Variants in AKAP13 observed in about 807,000 individuals in gnomAD.
The protein encoded by AKAP13 is A-kinase anchoring protein 13.
Under a neutral mutation model 264.5 loss-of-function variants are expected in AKAP13, and 80 were observed. The ratio of observed to expected loss-of-function variants is 0.30; its 90% CI spans 0.25 to 0.36. The LOEUF (loss-of-function observed/expected upper bound fraction) is 0.36. Among genes scored for constraint, AKAP13 ranks in the 10% least tolerant of loss-of-function variants. The pLI is 1.00. For missense variants in AKAP13, 3,712 were observed against 3,435.2 expected, an observed-to-expected ratio of 1.08 and a Z score of -2.01; for synonymous variants, 1,380 against 1,250.2, an observed-to-expected ratio of 1.10 and a Z score of -2.19.
At chr15:85,685,446 A>T (rs1226602175) in intron 16 of AKAP13, 2 of 150,952 alleles carry the variant, frequency 1.3e-5, no homozygotes, top group African/African-American at 4.9e-5. Flanking sequence ...TAAGAGATTA[A>T]ATAAATGTTT....
chr15:85,586,202 T>C (rs1459988509), intron 8 of AKAP13, among the ~76,000 whole-genome samples: 1 of 151,986 alleles, frequency 6.6e-6, no homozygotes, highest in Non-Finnish European at 1.5e-5. Context: ...TTTCTTTTTT[T>C]TTTTTGAGAT....
chr15:85,695,876 A>G (rs964299238), intron 17 of AKAP13, among the ~76,000 whole-genome samples: 1 of 151,984 alleles, frequency 6.6e-6, no homozygotes, highest in Non-Finnish European at 1.5e-5. Flanking sequence ...TTCTAATAGG[A>G]CTCTTCTGGG....
At chr15:85,577,952 G>A (rs544323615) in intron 6 of AKAP13, 2 of 437,884 alleles carry the variant, frequency 4.6e-6, no homozygotes, top group South Asian at 2.0e-4. Context: ...GTATATATGA[G>A]GCAGGGTGTA....
chr15:85,407,166 T>G (rs2071707227), intron 1 of AKAP13, among the ~76,000 whole-genome samples: 1 of 151,442 alleles, frequency 6.6e-6, no homozygotes, highest in African/African-American at 2.4e-5. Context: ...AGTACCAACT[T>G]TGTGGTATAC....
chr15:85,709,420 C>G (rs921847873), intron 18 of AKAP13, among the ~76,000 whole-genome samples: 5 of 152,132 alleles, frequency 3.3e-5, no homozygotes, highest in Non-Finnish European at 7.4e-5. Flanking sequence ...GGAGGGATGG[C>G]TGGAGCTGAG....
At chr15:85,585,225 G>T (rs1244400349) in intron 7 of AKAP13, among the ~76,000 whole-genome samples, 2 of 152,150 alleles carry the variant, frequency 1.3e-5, no homozygotes, top group Non-Finnish European at 2.9e-5. Context: ...AGAGTGTGTT[G>T]TATGTTAGTG....
At chr15:85,462,730 A>C (rs958014684) in intron 1 of AKAP13, among the ~76,000 whole-genome samples, 3 of 152,220 alleles carry the variant, frequency 2.0e-5, no homozygotes, top group African/African-American at 7.2e-5. Flanking sequence ...AATTTATTTG[A>C]AATAAAAATT....
Position 85,717,419 on chromosome 15 carries a change from G to T in AKAP13, c.5848+17G>T. 4 of 1,573,900 alleles carry T rather than the reference G, an allele frequency of 2.5e-6. No individual in the cohort carries two copies. The highest frequency in any genetic ancestry group is 3.5e-6 in the Non-Finnish European group (4 of 1,145,470). On this transcript the variant is annotated intron_variant, in intron 21 of 36. Transcript: ENST00000394518. Reference sequence around the variant, plus strand: ...CTGATGAGGGTAAGAGGAAGTTATGGCCTTTATTTTATGCCTCTGTAGGGA... The same window carrying T: ...CTGATGAGGGTAAGAGGAAGTTATGTCCTTTATTTTATGCCTCTGTAGGGA...
intron 5 of AKAP13, among the ~76,000 whole-genome samples, chr15:85,546,489 A>G (rs901189980): frequency 6.6e-6 from 1 of 152,194 alleles, no homozygotes; most frequent in Non-Finnish European, 1.5e-5. Flanking sequence ...ATCCAGAGAG[A>G]CAAAGTGGTT....
chr15:85,660,781 CT>C (rs973198800), intron 12 of AKAP13, among the ~76,000 whole-genome samples: 17 of 152,156 alleles, frequency 1.1e-4, no homozygotes, highest in African/African-American at 4.1e-4. Context: ...TGCTTCTGCA[CT>C]TGTAAGCTTT....
At position 85,730,616 on chromosome 15, in the gene AKAP13, C is replaced by G. The variant is rs978825223; in HGVS notation, c.7191C>G (p.Cys2397Trp). Residue 2397 changes from cysteine (C) to tryptophan (W), a missense_variant, in exon 30 of 37, where the codon TGC becomes TGG. Physicochemically the swap from Cys to Trp is radical, Grantham distance 215. Transcript: ENST00000394518. ...AECSTPLPED[C>W]SPTHSPRVLF... The stretch of plus-strand genomic sequence containing the variant: ...GCAGCACCCCTCTCCCAGAGGATTG[C>G]TCCCCAACACATAGCCCTAGAGTTC... The G allele has an allele frequency of 6.2e-7, 1 of 1,614,114 alleles. No homozygotes were observed. Among genetic ancestry groups the G allele is most frequent in the Non-Finnish European group, 8.5e-7 (1 of 1,180,002 alleles).
chr15:85,556,110 C>T (rs2151247161), intron 5 of AKAP13, among the ~76,000 whole-genome samples: 1 of 152,282 alleles, frequency 6.6e-6, no homozygotes, highest in African/African-American at 2.4e-5. Context: ...GGCCGTTTCA[C>T]TTACAGCTGT....
chr15:85,437,427 T>A (rs1174861321), intron 1 of AKAP13, among the ~76,000 whole-genome samples: 1 of 152,102 alleles, frequency 6.6e-6, no homozygotes, highest in East Asian at 1.9e-4. Context: ...CTGAAACTAT[T>A]CCAATCAATA....
Position 85,662,415 on chromosome 15 carries a change from G to C in AKAP13, c.4800-2148G>C, listed in dbSNP as rs114286318. On this transcript the variant is annotated intron_variant, in intron 12 of 36. Transcript: ENST00000394518. The stretch of plus-strand genomic sequence containing the variant: ...TGAGCTGGTGCCCCTCTGGTGTGCA[G>C]TACTCTGCTGGCCTGAGTGCTGACT... The C allele has an allele frequency of 1.9e-6, 3 of 1,614,134 alleles. No individual in the cohort carries two copies. In the East Asian group the frequency reaches 6.7e-5, roughly 36 times the overall value.
At chr15:85,490,461 T>A (rs1420315574) in intron 2 of AKAP13, among the ~76,000 whole-genome samples, 4 of 152,244 alleles carry the variant, frequency 2.6e-5, no homozygotes, top group Admixed American at 6.5e-5. Flanking sequence ...CGTTTGAGTC[T>A]TCTCTAAGAA....
In AKAP13 at chr15:85,682,197, C is replaced by G. The variant is rs958686343; in HGVS notation, c.5141C>G (p.Ala1714Gly). ...PFHSTFHNTS[A>G]NLTESITEEN... ...CACAGTACCTTCCACAATACCAGTG[C>G]TAATCTGACTGAGAGGTACTATAAA... The change falls in exon 15 of 37, where the codon GCT (alanine) becomes GGT (glycine). Residue 1714 changes from alanine (A) to glycine (G), a missense_variant. This residue lies in a region of AKAP13 where 2,759 missense variants were observed against 2,411.7 expected (regional missense o/e 1.14). Coordinates refer to ENST00000394518, the MANE Select transcript of AKAP13 (RefSeq NM_007200.5). 46 of 1,613,382 alleles carry G rather than the reference C, an allele frequency of 2.9e-5. No homozygotes were observed. Among genetic ancestry groups the G allele is most frequent in the Non-Finnish European group, 3.8e-5 (45 of 1,179,888 alleles).
At chr15:85,743,430 T>C in intron 35 of AKAP13, 62 bp from the exon 36 acceptor site, 1 of 1,540,478 alleles carries the variant, frequency 6.5e-7, no homozygotes, top group Non-Finnish European at 8.8e-7. Flanking sequence ...CAGGATTTAT[T>C]GAGTTGGCAT....
intron 1 of AKAP13, among the ~76,000 whole-genome samples, chr15:85,419,278 T>A (rs1261348956): frequency 6.6e-6 from 1 of 152,236 alleles, no homozygotes; most frequent in Admixed American, 6.5e-5. Flanking sequence ...TATGGCAGCC[T>A]CAGGGCCACT....
chr15:85,524,917 A>C (rs1419101066), intron 3 of AKAP13, among the ~76,000 whole-genome samples: 1 of 151,156 alleles, frequency 6.6e-6, no homozygotes, highest in Non-Finnish European at 1.5e-5. Context: ...GTGTAATTAC[A>C]AAGAAGTTGT....
Sources: allele counts gnomAD v4.1 joint callset (sites outside exome capture counted in the v4.1 genomes callset), GRCh38; gene constraint gnomAD v4.1.1; regional missense constraint gnomAD v4.1.1; transcripts MANE v1.5; gene names NCBI Gene and HGNC (gene_info 2026-07-23, HGNC 2026-07-21).